The following MAL variants were observed in gnomAD, a reference collection of about 807,000 sequenced individuals.
MAL encodes the protein myelin and lymphocyte protein.
Under a neutral mutation model 16.7 loss-of-function variants are expected in MAL, and 5 were observed. The ratio of observed to expected loss-of-function variants is 0.30; its 90% CI spans 0.16 to 0.63. MAL has a LOEUF of 0.63. MAL is among the 30% of genes least tolerant of loss of function. MAL has a pLI of 0.82. For missense variants in MAL, 202 were observed against 195.8 expected (o/e 1.03, Z -0.19); for synonymous variants, 96 against 85.5 (o/e 1.12, Z -0.67).
chr2:95,050,413 A>C (rs1246143390), intron 3 of MAL, among the ~76,000 whole-genome samples: 1 of 152,232 alleles, frequency 6.6e-6, no homozygotes, highest in African/African-American at 2.4e-5. Context: ...AAAAGTAAGA[A>C]GTTTCAGAAA....
rs1400074196 is a variant in MAL at position 95,025,945 on chromosome 2, G to T, written c.93+60G>T. On this transcript the variant is annotated intron_variant, in intron 1 of 3. Transcript: ENST00000309988. The surrounding 1 kb of genome is among the most constrained non-coding windows in gnomAD (Gnocchi z 5.6). ...GGCTGAGCCGTGCGCTCTCTCGGGC[G>T]CCCAGCACAGCTGTCGGACGGGATC... 40 of 1,392,316 alleles carry T rather than the reference G, an allele frequency of 2.9e-5. 1 individual carries two copies. The highest frequency in any genetic ancestry group is 1.2e-4 in the South Asian group (9 of 74,280). 86.2% of individuals were successfully genotyped at this position (1,392,316 alleles called of 1,614,324 possible). A position where few individuals can be genotyped will look rare whatever the true frequency, so the allele number is the denominator to read the frequency against.
At position 95,033,779 on chromosome 2, in the gene MAL, A is replaced by C. The variant is rs183630468; in HGVS notation, c.93+7894A>C. On this transcript the variant is annotated intron_variant, in intron 1 of 3. Coordinates refer to ENST00000309988, the MANE Select transcript of MAL (RefSeq NM_002371.4). Reference sequence around the variant, plus strand: ...GGTGACAGAGTGAGAACCTGTCATCAAAACAAAAATCTCATGGCCATTTCC... The same window carrying C: ...GGTGACAGAGTGAGAACCTGTCATCCAAACAAAAATCTCATGGCCATTTCC... Among the ~76,000 whole-genome samples, 180 of 152,204 alleles carry C rather than the reference A, an allele frequency of 1.2e-3. 2 individuals are homozygous for C. The East Asian group carries it at 0.032, about 27-fold the overall frequency.
chr2:95,026,023 C>G, intron 1 of MAL, 138 bp downstream of exon 1: 1 of 724,264 alleles, frequency 1.4e-6, no homozygotes. Context: ...AGGGCGGGGA[C>G]TAAGCCAGGG....
intron 1 of MAL, among the ~76,000 whole-genome samples, chr2:95,042,618 C>A (rs1402381766): frequency 6.6e-6 from 1 of 152,176 alleles, no homozygotes. Context: ...TGGACAGTAA[C>A]AGGGTGCAGC....
At chr2:95,047,271 C>A (rs765125628) in intron 1 of MAL, among the ~76,000 whole-genome samples, 6 of 152,208 alleles carry the variant, frequency 3.9e-5, no homozygotes, top group Non-Finnish European at 8.8e-5. Context: ...TTAACTTCCA[C>A]CTACCTCAGT....
At chr2:95,042,066 G>A (rs1417702031) in intron 1 of MAL, among the ~76,000 whole-genome samples, 1 of 152,186 alleles carries the variant, frequency 6.6e-6, no homozygotes, top group Non-Finnish European at 1.5e-5. Flanking sequence ...GAGTTCAGAG[G>A]AAACCCAAGG....
At chr2:95,030,007 T>C (rs1331250404) in intron 1 of MAL, among the ~76,000 whole-genome samples, 1 of 152,188 alleles carries the variant, frequency 6.6e-6, no homozygotes, top group Non-Finnish European at 1.5e-5. Context: ...TAGTTCAGAT[T>C]CCCATGCCTG....
chr2:95,051,197 C>T (rs1255534392), intron 3 of MAL, among the ~76,000 whole-genome samples: 5 of 152,148 alleles, frequency 3.3e-5, no homozygotes. Context: ...TACCTTTTAT[C>T]AAAGGCAGCA....
At chr2:95,037,842 G>A (rs1446991447) in intron 1 of MAL, among the ~76,000 whole-genome samples, 2 of 151,730 alleles carry the variant, frequency 1.3e-5, no homozygotes, top group African/African-American at 2.4e-5. Flanking sequence ...GTGACTGAGT[G>A]ACTGAGTGTG....
chr2:95,047,033 AAGAG>A (rs1349895909), intron 1 of MAL, among the ~76,000 whole-genome samples: 4 of 151,864 alleles, frequency 2.6e-5, no homozygotes, highest in South Asian at 2.1e-4. Flanking sequence ...AAATGAAGGA[AAGAG>A]AGAGAGAGAA....
chr2:95,028,219 AGGCTAAG>A (rs1673993703), intron 1 of MAL, among the ~76,000 whole-genome samples: 1 of 151,600 alleles, frequency 6.6e-6, no homozygotes, highest in Non-Finnish European at 1.5e-5. Context: ...GCTACTCAGC[AGGCTAAG>A]GCATGAGCAT....
intron 1 of MAL, chr2:95,026,323 A>T (rs1345904534): frequency 6.4e-6 from 1 of 155,616 alleles, no homozygotes; most frequent in African/African-American, 2.4e-5. Flanking sequence ...AGCAAGAGAA[A>T]CATTAGTATT....
chr2:95,025,994 GCAT>G lies in MAL; in HGVS notation c.93+111_93+113del. ...TCCGCTAGCTGCGCAGGTTCTGGGA[GCAT>G]CGGGGCAGCAGGCGCAGGGCGGGGA... On this transcript the variant is annotated intron_variant, in intron 1 of 3. Transcript: ENST00000309988. This position sits in a 1 kb window ranked among gnomAD's most constrained non-coding sequence, Gnocchi z 5.6. 1 of 960,568 alleles carries G rather than the reference GCAT, an allele frequency of 1.0e-6. No individual in the cohort carries two copies. The highest frequency in any genetic ancestry group is 1.5e-6 in the Non-Finnish European group (1 of 652,376). 59.5% of individuals were successfully genotyped at this position (960,568 alleles called of 1,614,324 possible). A position where few individuals can be genotyped will look rare whatever the true frequency, so the allele number is the denominator to read the frequency against.
chr2:95,037,488 G>A (rs1558658057), intron 1 of MAL, among the ~76,000 whole-genome samples: 1 of 151,312 alleles, frequency 6.6e-6, no homozygotes, highest in Admixed American at 6.6e-5. Context: ...GAGTGACTGA[G>A]TGAGTGACTG....
chr2:95,038,417 T>G (rs1674314146), intron 1 of MAL, among the ~76,000 whole-genome samples: 1 of 150,878 alleles, frequency 6.6e-6, no homozygotes, highest in African/African-American at 2.4e-5. Flanking sequence ...AGTGAGTGAC[T>G]GAATGAGTGA....
At chr2:95,038,535 A>ACT (rs1558658713) in intron 1 of MAL, among the ~76,000 whole-genome samples, 1 of 150,680 alleles carries the variant, frequency 6.6e-6, no homozygotes, top group African/African-American at 2.5e-5. Flanking sequence ...TGACTGAGTG[A>ACT]GTGACTGAGT....
At chr2:95,036,601 A>C (rs1285756399) in intron 1 of MAL, among the ~76,000 whole-genome samples, 3 of 152,252 alleles carry the variant, frequency 2.0e-5, no homozygotes, top group Non-Finnish European at 2.9e-5. Flanking sequence ...CATCTGTTAA[A>C]TGCGTGAGTG....
intron 1 of MAL, among the ~76,000 whole-genome samples, chr2:95,031,287 C>A (rs1239494569): frequency 6.6e-6 from 1 of 152,180 alleles, no homozygotes; most frequent in Non-Finnish European, 1.5e-5. Flanking sequence ...CCCTGCCCAC[C>A]TGGCAGCTCT....
In MAL at chr2:95,036,194, C is replaced by G. The variant is rs891689349; in HGVS notation, c.93+10309C>G. On this transcript the variant is annotated intron_variant, in intron 1 of 3. Transcript: ENST00000309988. ...GGTAAACCAAGTCAGGTCCCAGCCC[C>G]GCTCCCAGGGTTCTCTTTGGTAGCA... Among the ~76,000 whole-genome samples, 37 of 152,260 alleles carry G rather than the reference C, an allele frequency of 2.4e-4. 1 individual carries two copies. Among genetic ancestry groups the G allele is most frequent in the Non-Finnish European group, 2.8e-4 (19 of 68,008 alleles).
Sources: gnomAD v4.1 joint callset for allele counts (sites outside exome capture counted in the v4.1 genomes callset) on GRCh38, gnomAD v4.1.1 for gene constraint, Gnocchi (gnomAD v3.1) non-coding constraint, MANE v1.5 for transcripts, NCBI Gene and HGNC (gene_info 2026-07-23, HGNC 2026-07-21) for gene names.